The following KIAA1217 variants were observed in gnomAD, a reference collection of about 807,000 sequenced individuals.
KIAA1217 encodes the protein sickle tail protein homolog.
A neutral mutation model predicts 163.9 loss-of-function variants in KIAA1217; 88 were observed. The observed-to-expected ratio is 0.54, with a 90% CI of 0.45 to 0.64. The LOEUF is 0.64. KIAA1217 is among the 30% of genes least tolerant of loss of function. The pLI is 0.00. For synonymous variants in KIAA1217, 903 were observed against 923.1 expected, an observed-to-expected ratio of 0.98 and a Z score of 0.39; for missense variants, 2,372 against 2,475.0, an observed-to-expected ratio of 0.96 and a Z score of 0.88.
intron 11 of KIAA1217, 96 bp downstream of exon 11, chr10:24,520,349 A>G: frequency 1.3e-6 from 2 of 1,513,142 alleles, no homozygotes; most frequent in Non-Finnish European, 1.8e-6. Flanking sequence ...GTATGCAAGT[A>G]TTTATTAAAC....
chr10:24,372,314 C>G (rs551487366), intron 2 of KIAA1217, among the ~76,000 whole-genome samples: 4 of 152,086 alleles, frequency 2.6e-5, no homozygotes, highest in Non-Finnish European at 5.9e-5. Context: ...AAGAAAACAA[C>G]AACTGAGAAG....
chr10:23,862,952 G>T (rs905645210), intron 1 of KIAA1217, among the ~76,000 whole-genome samples: 23 of 152,112 alleles, frequency 1.5e-4, no homozygotes, highest in African/African-American at 5.1e-4. Context: ...CAAGGATGAG[G>T]TTGCCTCCAA....
intron 1 of KIAA1217, among the ~76,000 whole-genome samples, chr10:23,972,139 A>G (rs375303969): frequency 3.9e-5 from 6 of 152,176 alleles, no homozygotes; most frequent in African/African-American, 1.4e-4. Context: ...GTCATGGGCC[A>G]TTGGTCACTC....
intron 1 of KIAA1217, among the ~76,000 whole-genome samples, chr10:23,891,743 G>A (rs1169763901): frequency 6.6e-6 from 1 of 151,704 alleles, no homozygotes; most frequent in Non-Finnish European, 1.5e-5. Flanking sequence ...TAGTGTTCTG[G>A]TTTCAGAACT....
intron 1 of KIAA1217, among the ~76,000 whole-genome samples, chr10:23,799,743 A>C (rs577535852): frequency 1.3e-5 from 2 of 152,304 alleles, no homozygotes; most frequent in South Asian, 4.1e-4. Context: ...TGAAATAGAA[A>C]TTCTATTCTG....
chr10:23,780,805 C>T (rs867088604), intron 1 of KIAA1217, among the ~76,000 whole-genome samples: 1 of 152,106 alleles, frequency 6.6e-6, no homozygotes, highest in African/African-American at 2.4e-5. Context: ...CTCAGCCTCC[C>T]GAGTAGCTGG....
intron 3 of KIAA1217, among the ~76,000 whole-genome samples, chr10:24,402,026 A>G (rs192693448): frequency 4.9e-4 from 75 of 152,350 alleles, no homozygotes; most frequent in African/African-American, 1.8e-3. Context: ...TGAAAATTAC[A>G]ATATGCTGTT....
At chr10:24,005,073 A>G (rs1447815932) in intron 1 of KIAA1217, among the ~76,000 whole-genome samples, 1 of 152,236 alleles carries the variant, frequency 6.6e-6, no homozygotes, top group Non-Finnish European at 1.5e-5. Context: ...AAGAGTAGCC[A>G]TGGAGAGAAT....
intron 2 of KIAA1217, among the ~76,000 whole-genome samples, chr10:24,330,522 G>A (rs534832462): frequency 6.6e-6 from 1 of 152,272 alleles, no homozygotes; most frequent in South Asian, 2.1e-4. Flanking sequence ...TAGGCTTCCA[G>A]AACATCTAAC....
At chr10:24,147,545 T>G (rs974813159) in intron 2 of KIAA1217, among the ~76,000 whole-genome samples, 1 of 151,962 alleles carries the variant, frequency 6.6e-6, no homozygotes, top group African/African-American at 2.4e-5. Context: ...ATTAGTTATT[T>G]GAAAAATGAA....
At chr10:23,801,640 A>G (rs1426909756) in intron 1 of KIAA1217, among the ~76,000 whole-genome samples, 1 of 152,170 alleles carries the variant, frequency 6.6e-6, no homozygotes, top group Non-Finnish European at 1.5e-5. Flanking sequence ...TAAACTGAGA[A>G]CTGAATATAC....
chr10:23,798,487 T>G (rs1202700823), intron 1 of KIAA1217, among the ~76,000 whole-genome samples: 2 of 152,218 alleles, frequency 1.3e-5, no homozygotes, highest in East Asian at 1.9e-4. Context: ...TTCACGTTAA[T>G]TTTTAAAGAA....
At chr10:23,802,384 A>G (rs992063241) in intron 1 of KIAA1217, among the ~76,000 whole-genome samples, 1 of 152,250 alleles carries the variant, frequency 6.6e-6, no homozygotes, top group Non-Finnish European at 1.5e-5. Flanking sequence ...ATAGTACAAC[A>G]TGGCCACATG....
chr10:24,152,889 A>G (rs950750694), intron 2 of KIAA1217, among the ~76,000 whole-genome samples: 4 of 152,246 alleles, frequency 2.6e-5, no homozygotes, highest in African/African-American at 9.6e-5. Context: ...TCAGGAATAC[A>G]TAAGTCTTAA....
At position 23,888,929 on chromosome 10, in the gene KIAA1217, A is replaced by T. The variant is rs558599061; in HGVS notation, c.-320-118296A>T. Among the ~76,000 whole-genome samples, 6 of 151,954 alleles carry T rather than the reference A, an allele frequency of 3.9e-5. No homozygotes were observed. In the South Asian group the frequency reaches 1.0e-3, roughly 26 times the overall value. On this transcript the variant is annotated intron_variant, in intron 1 of 18. Coordinates refer to the KIAA1217 transcript ENST00000376462. ...AGTTTTCCCTCTTTTAGAGCATTAT[A>T]CAATTGGAATCATTCAAGACATATT...
chr10:24,193,801 TAC>T (rs10562687), intron 2 of KIAA1217, among the ~76,000 whole-genome samples: 7,818 of 142,250 alleles, frequency 0.055, 323 homozygotes, highest in Admixed American at 0.12. Context: ...CAGCGTTTTC[TAC>T]ACACACACAC....
intron 5 of KIAA1217, among the ~76,000 whole-genome samples, chr10:24,452,534 T>A (rs753905291): frequency 4.7e-5 from 7 of 150,072 alleles, no homozygotes; most frequent in Middle Eastern, 6.9e-3. Flanking sequence ...AAAAAAAAAT[T>A]AGCTGGGCGT....
intron 1 of KIAA1217, among the ~76,000 whole-genome samples, chr10:23,825,170 G>A (rs1051374444): frequency 6.6e-6 from 1 of 152,130 alleles, no homozygotes; most frequent in African/African-American, 2.4e-5. Context: ...AGTGGTATTA[G>A]AAAACGTCTG....
At chr10:24,457,967 G>C (rs1269122865) in intron 5 of KIAA1217, among the ~76,000 whole-genome samples, 1 of 152,222 alleles carries the variant, frequency 6.6e-6, no homozygotes, top group Non-Finnish European at 1.5e-5. Flanking sequence ...GGCCCACCTG[G>C]CAGTTTGTTG....
Sources: gnomAD v4.1 joint callset for allele counts (sites outside exome capture counted in the v4.1 genomes callset) on GRCh38, gnomAD v4.1.1 for gene constraint, MANE v1.5 for transcripts, NCBI Gene and HGNC (gene_info 2026-07-23, HGNC 2026-07-21) for gene names.